Variants in CHD1 observed in about 807,000 individuals in gnomAD.
CHD1 encodes the protein ATP-dependent chromatin remodeler CHD1.
CHD1 carries 36 observed loss-of-function variants against 224.2 expected under a neutral mutation model. The observed-to-expected ratio is 0.16, with a 90% confidence interval of 0.12 to 0.21. CHD1 has a LOEUF of 0.21. Ranked by LOEUF, CHD1 falls within the 10% of genes least tolerant of loss-of-function variation. The probability of loss-of-function intolerance (pLI) is 1.00; values close to 1 mark genes in which losing one functional copy is unlikely to be tolerated. For synonymous variants in CHD1, 668 were observed against 658.3 expected, an observed-to-expected ratio of 1.01 and a Z score of -0.23; for missense variants, 1,378 against 1,994.8, an observed-to-expected ratio of 0.69 and a Z score of 5.89.
chr5:98,908,415 A>C (rs893935772), intron 2 of CHD1, among the ~76,000 whole-genome samples: 1 of 152,170 alleles, frequency 6.6e-6, no homozygotes, highest in African/African-American at 2.4e-5. Context: ...CGATGTAATA[A>C]TCACTGTAGT....
rs1473519802 is a variant in CHD1 at position 98,882,126 on chromosome 5, G to A, written c.2719-3C>T. 3 of 1,610,284 alleles carry A rather than the reference G, an allele frequency of 1.9e-6. No homozygotes were observed. The highest frequency in any genetic ancestry group is 1.3e-5 in the African/African-American group (1 of 74,796). ...GTAACTAGACGATAAATATTCACCT[G>A]TAAAAATACACATGAGGAAACAAAT... On this transcript the variant is annotated splice_region_variant and splice_polypyrimidine_tract_variant and intron_variant, in intron 19 of 35. Transcript: ENST00000614616.
chr5:98,901,665 T>C (rs550172601), intron 5 of CHD1, among the ~76,000 whole-genome samples: 1 of 151,794 alleles, frequency 6.6e-6, no homozygotes, highest in Non-Finnish European at 1.5e-5. Flanking sequence ...GCCATTTTAA[T>C]CCTCGAGAGG....
chr5:98,901,766 G>GC (rs1341455037), intron 5 of CHD1, among the ~76,000 whole-genome samples: 2 of 147,988 alleles, frequency 1.4e-5, no homozygotes, highest in Non-Finnish European at 3.0e-5. Context: ...AAAAAAAAGA[G>GC]CAACAGTAGT....
At position 98,876,345 on chromosome 5, in the gene CHD1, AG is replaced by A. The variant is rs1309669829; in HGVS notation, c.3398+52del. The A allele has an allele frequency of 1.8e-5, 28 of 1,523,926 alleles. No homozygotes were observed. In the East Asian group the frequency reaches 2.7e-4, roughly 15 times the overall value. The allele number at this position is 1,523,926 out of a possible 1,614,324, so 94.4% of individuals were successfully genotyped here. ...GAAAATTACGGCGTTTTTACATTTT[AG>A]TTTCACACTCTACTAAAACCAAGTT... On this transcript the variant is annotated intron_variant, in intron 24 of 35. Coordinates refer to ENST00000614616, the MANE Select transcript of CHD1 (RefSeq NM_001270.4).
chr5:98,907,953 T>C (rs1421129341), intron 2 of CHD1, among the ~76,000 whole-genome samples: 2 of 152,126 alleles, frequency 1.3e-5, no homozygotes, highest in Non-Finnish European at 2.9e-5. Context: ...ACTTAAAACT[T>C]TGAGCTAAAA....
intron 32 of CHD1, among the ~76,000 whole-genome samples, chr5:98,861,332 T>C (rs1205725672): frequency 6.6e-6 from 1 of 152,200 alleles, no homozygotes; most frequent in Non-Finnish European, 1.5e-5. Context: ...AATACAAATA[T>C]ACATTCTATT....
chr5:98,897,091 C>T lies in CHD1; in HGVS notation c.1493+102G>A, dbSNP rs932721351. ...AATACAAAGACTAGCATATAAACTG[C>T]CAAAGAGTCTTATTCTTTATGTAAA... On this transcript the variant is annotated intron_variant, in intron 11 of 35. Coordinates refer to ENST00000614616, the MANE Select transcript of CHD1 (RefSeq NM_001270.4). 8.9e-6 allele frequency: 10 copies of T among 1,121,916 alleles called. No individual in the cohort carries two copies. In the African/African-American group the frequency reaches 1.6e-4, roughly 18 times the overall value. The allele number at this position is 1,121,916 out of a possible 1,614,324, so 69.5% of individuals were successfully genotyped here.
chr5:98,893,722 T>G, intron 13 of CHD1, 116 bp from the exon 14 acceptor site: 1 of 666,360 alleles, frequency 1.5e-6, no homozygotes, highest in Non-Finnish European at 2.5e-6. Context: ...AAACTTTGTC[T>G]AATTTTCAAA....
intron 2 of CHD1, among the ~76,000 whole-genome samples, chr5:98,914,615 T>C (rs1163848407): frequency 7.2e-5 from 11 of 152,230 alleles, no homozygotes; most frequent in East Asian, 3.8e-4. Flanking sequence ...ATTACATGTA[T>C]GGTTTTATAG....
intron 1 of CHD1, 22 bp from the exon 2 acceptor site, chr5:98,926,556 A>G: frequency 2.5e-6 from 1 of 401,532 alleles, no homozygotes; most frequent in South Asian, 6.8e-5. Flanking sequence ...ATATTAATAA[A>G]TTAACAAAAT....
At chr5:98,899,187 A>G (rs1203312548) in intron 8 of CHD1, among the ~76,000 whole-genome samples, 1 of 152,102 alleles carries the variant, frequency 6.6e-6, no homozygotes, top group Admixed American at 6.5e-5. Flanking sequence ...TCATCTCTAG[A>G]TGTTCTTATA....
chr5:98,889,753 T>C (rs1750888701), intron 15 of CHD1: 1 of 152,324 alleles, frequency 6.6e-6, no homozygotes. Flanking sequence ...GCAGCATTTA[T>C]ACTAAAACTG....
At chr5:98,865,259 G>GT (rs1290930221) in intron 31 of CHD1, among the ~76,000 whole-genome samples, 1 of 152,216 alleles carries the variant, frequency 6.6e-6, no homozygotes, top group African/African-American at 2.4e-5. Flanking sequence ...CTGGAACCAA[G>GT]TAAGTCAGAG....
At chr5:98,878,935 G>GA (rs1433836968) in intron 23 of CHD1, among the ~76,000 whole-genome samples, 2 of 152,216 alleles carry the variant, frequency 1.3e-5, no homozygotes, top group African/African-American at 4.8e-5. Context: ...TGCACCTTAA[G>GA]AAACTGAATA....
In CHD1 at chr5:98,872,465, A is replaced by G; in HGVS notation, c.3662T>C (p.Leu1221Ser). ...AKLVISHEEE[L>S]IPLHKSIPSD... is the part of the protein sequence containing the mutation. Reference sequence around the variant, plus strand: ...AGGAATGGATTTGTGCAAAGGTATTAATTCTTCTTCATGGGAGATGACTAG... The same window carrying G: ...AGGAATGGATTTGTGCAAAGGTATTGATTCTTCTTCATGGGAGATGACTAG... The change falls in exon 27 of 36, where the codon TTA becomes TCA. Residue 1221 changes from leucine to serine, a missense_variant. Leu to Ser is a moderately radical substitution (Grantham distance 145). Coordinates refer to ENST00000614616, the MANE Select transcript of CHD1 (RefSeq NM_001270.4). 6.2e-7 allele frequency: 1 copy of G among 1,613,512 alleles called. No individual in the cohort carries two copies. The highest frequency in any genetic ancestry group is 8.5e-7 in the Non-Finnish European group (1 of 1,179,518).
At chr5:98,911,146 A>AAATATATATAT (rs1491111295) in intron 2 of CHD1, among the ~76,000 whole-genome samples, 14 of 39,124 alleles carry the variant, frequency 3.6e-4, no homozygotes, top group African/African-American at 1.7e-3. Context: ...AAAAAAAAAA[A>AAATATATATAT]ATATATATAT....
chr5:98,905,322 T>C (rs1751978089), intron 2 of CHD1, among the ~76,000 whole-genome samples: 1 of 152,226 alleles, frequency 6.6e-6, no homozygotes, highest in Admixed American at 6.5e-5. Flanking sequence ...GATAGATTTA[T>C]GACATATTTT....
chr5:98,920,927 C>G (rs1753052524), intron 2 of CHD1, among the ~76,000 whole-genome samples: 1 of 151,884 alleles, frequency 6.6e-6, no homozygotes, highest in Non-Finnish European at 1.5e-5. Flanking sequence ...TGAAAGGAGA[C>G]TGGGGAGACG....
intron 2 of CHD1, among the ~76,000 whole-genome samples, chr5:98,918,497 C>T (rs1427940163): frequency 6.6e-6 from 1 of 151,120 alleles, no homozygotes; most frequent in Non-Finnish European, 1.5e-5. Flanking sequence ...GAGCCGGGCG[C>T]GGGAGCTCAC....
Sources: allele counts gnomAD v4.1 joint callset (sites outside exome capture counted in the v4.1 genomes callset), GRCh38; gene constraint gnomAD v4.1.1; transcripts MANE v1.5; gene names NCBI Gene and HGNC (gene_info 2026-07-23, HGNC 2026-07-21).